LMTK3: variants seen among roughly 807,000 people sequenced by gnomAD.
The protein encoded by LMTK3 is lemur tail kinase 3.
In LMTK3, 27 loss-of-function variants were observed where a neutral mutation model predicts 116.7. That is an observed-to-expected ratio of 0.23 (90% confidence interval 0.17 to 0.32). The LOEUF (loss-of-function observed/expected upper bound fraction) is 0.32. Ranked by LOEUF, LMTK3 falls within the 10% of genes least tolerant of loss-of-function variation. The pLI is 1.00. For synonymous variants in LMTK3, 965 were observed against 971.0 expected (o/e 0.99, Z 0.11); for missense variants, 1,764 against 2,068.5 (o/e 0.85, Z 2.86).
rs549586180 is a variant in LMTK3 at position 48,500,509 on chromosome 19, A to G, written c.1151+487T>C. Reference sequence around the variant, plus strand: ...GAGGGGGACAGAGACCTAGAGAGAGAGGGAAACATAGACCCAAAAAGTGGG... The same window carrying G: ...GAGGGGGACAGAGACCTAGAGAGAGGGGGAAACATAGACCCAAAAAGTGGG... On this transcript the variant is annotated intron_variant, in intron 10 of 14. Coordinates refer to ENST00000600059, the MANE Select transcript of LMTK3 (RefSeq NM_001388485.1). The surrounding 1 kb of genome is among the most constrained non-coding windows in gnomAD (Gnocchi z 4.0). 2.0e-5 allele frequency among the ~76,000 whole-genome samples: 3 copies of G among 152,160 alleles called. No individual in the cohort carries two copies. In the East Asian group the frequency reaches 5.8e-4, roughly 29 times the overall value.
Position 48,493,916 on chromosome 19 carries a change from CTCCTCGTCCTCCTCCTCGTCCTCG to C in LMTK3, c.3846_3869del (p.Asp1282_Glu1289del). The C allele has an allele frequency of 1.9e-6, 2 of 1,029,554 alleles. No individual in the cohort carries two copies. Among genetic ancestry groups the C allele is most frequent in the African/African-American group, 1.7e-5 (1 of 57,760 alleles). The allele number at this position is 1,029,554 out of a possible 1,614,324, so 63.8% of individuals were successfully genotyped here. A position where few individuals can be genotyped will look rare whatever the true frequency, so the allele number is the denominator to read the frequency against. ...CCGCCGCCGCGCCCGGCGCCGCCGC[CTCCTCGTCCTCCTCCTCGTCCTCG>C]TCCTCGTCCTCCCCGTCCTCCTCCG... On this transcript the variant is annotated inframe_deletion, in exon 12 of 15. Coordinates refer to ENST00000600059, the MANE Select transcript of LMTK3 (RefSeq NM_001388485.1).
rs1569104458 is a variant in LMTK3 at position 48,500,024 on chromosome 19, AACAGAGACCCAGAGAGAGGGGG to A, written c.1152-129_1152-108del. 35 of 1,093,578 alleles carry A rather than the reference AACAGAGACCCAGAGAGAGGGGG, an allele frequency of 3.2e-5. No individual in the cohort carries two copies. The highest frequency in any genetic ancestry group is 9.8e-5 in the South Asian group (6 of 61,386). 67.7% of individuals were successfully genotyped at this position (1,093,578 alleles called of 1,614,324 possible). The stretch of plus-strand genomic sequence containing the variant: ...AGAGGGGGACAGAGACCCAGAGGGT[AACAGAGACCCAGAGAGAGGGGG>A]ACAGAGACCCAGAGAGAGGGGGACA... On this transcript the variant is annotated intron_variant, in intron 10 of 14. Transcript: ENST00000600059. This position sits in a 1 kb window ranked among gnomAD's most constrained non-coding sequence, Gnocchi z 4.0.
chr19:48,499,610 C>T lies in LMTK3; in HGVS notation c.1459G>A (p.Gly487Arg). 6.5e-7 allele frequency: 1 copy of T among 1,540,518 alleles called. No homozygotes were observed. The highest frequency in any genetic ancestry group is 8.7e-7 in the Non-Finnish European group (1 of 1,143,258). ...LECLWEKARR[G>R]AGRGGGAPAW... ...GGTGCCCCCCCACCCCGGCCGGCCC[C>T]ACGCCGGGCCTTCTCCCACAGGCAC... The change falls in exon 11 of 15, where the codon GGG becomes AGG. Residue 487 changes from glycine (G) to arginine (R), a missense_variant. Physicochemically the swap from Gly to Arg is moderately radical, Grantham distance 125. Around this residue, in one of 7 missense-constraint regions of LMTK3, gnomAD observed 1,028 missense variants for 1,050.6 expected, o/e 0.98. Coordinates refer to ENST00000600059, the MANE Select transcript of LMTK3 (RefSeq NM_001388485.1).
chr19:48,487,121 A>C (rs1601037642), intron 14 of LMTK3, among the ~76,000 whole-genome samples: 1 of 132,326 alleles, frequency 7.6e-6, no homozygotes, highest in Admixed American at 8.0e-5. Context: ...TGCAACCTCC[A>C]CCTCCCAGGT....
In LMTK3 at chr19:48,501,530, G is replaced by T. The variant is rs1397684653; in HGVS notation, c.827C>A (p.Ser276Tyr). The change falls in exon 8 of 15, where the codon TCT becomes TAT. Residue 276 changes from serine to tyrosine, a missense_variant. This residue lies in a region of LMTK3 where 271 missense variants were observed against 478.2 expected (regional missense o/e 0.57). Transcript: ENST00000600059. ...GTCTCCGATGCGCACGGTCAGGTCA[G>T]AGGTCAGCAGGCAGTTGCGCAGGGC... ...DLALRNCLLT[S>Y]DLTVRIGDYG... 1 of 1,611,834 alleles carries T rather than the reference G, an allele frequency of 6.2e-7. No individual in the cohort carries two copies.
At position 48,499,009 on chromosome 19, in the gene LMTK3, T is replaced by TC; in HGVS notation, c.2059dup (p.Asp687GlyfsTer853). ...GTGGCCTCCCCAGCCTGCTACGGCG[T>TC]CCCCCCGCTCCAGTGGCAGGCAGGA... On this transcript the variant is annotated frameshift_variant, in exon 11 of 15. Coordinates refer to ENST00000600059, the MANE Select transcript of LMTK3 (RefSeq NM_001388485.1). LOFTEE classifies it high-confidence loss of function. 1 of 1,416,260 alleles carries TC rather than the reference T, an allele frequency of 7.1e-7. No individual in the cohort carries two copies. Among genetic ancestry groups the TC allele is most frequent in the Non-Finnish European group, 9.2e-7 (1 of 1,082,960 alleles). 87.7% of individuals were successfully genotyped at this position (1,416,260 alleles called of 1,614,324 possible).
intron 14 of LMTK3, among the ~76,000 whole-genome samples, chr19:48,487,979 C>T (rs1469343161): frequency 1.3e-5 from 2 of 152,180 alleles, no homozygotes; most frequent in African/African-American, 4.8e-5. Context: ...GCCTCAGGCC[C>T]CCACACCATG....
At chr19:48,513,229 T>A (rs1569109161), upstream of LMTK3, 2 of 1,440,626 alleles carry the variant, frequency 1.4e-6, no homozygotes, top group Non-Finnish European at 1.9e-6. The surrounding 1 kb of genome is among the most constrained non-coding windows in gnomAD (Gnocchi z 5.6). Context: ...ATGTATTTAT[T>A]CTTATGAGTA....
At chr19:48,505,276 G>A (rs141103975) in intron 5 of LMTK3, among the ~76,000 whole-genome samples, 4,005 of 151,710 alleles carry the variant, frequency 0.026, 69 homozygotes, top group South Asian at 0.082. Flanking sequence ...ACCATGCCTG[G>A]CTAATTTTTA....
Position 48,500,969 on chromosome 19 carries a change from A to G in LMTK3, c.1151+27T>C, listed in dbSNP as rs1601051598. ...CATCCTGGGTGGGGTGCGGCAGGCCAGGAGCCCCGGGTGGGCTAGCCCTCA... is the reference window on the plus strand; with the variant it reads ...CATCCTGGGTGGGGTGCGGCAGGCCGGGAGCCCCGGGTGGGCTAGCCCTCA... On this transcript the variant is annotated intron_variant, in intron 10 of 14. Transcript: ENST00000600059. The surrounding 1 kb of genome is among the most constrained non-coding windows in gnomAD (Gnocchi z 4.0). 1 of 1,474,528 alleles carries G rather than the reference A, an allele frequency of 6.8e-7. No individual in the cohort carries two copies. 91.3% of individuals were successfully genotyped at this position (1,474,528 alleles called of 1,614,324 possible).
chr19:48,499,553 G>A lies in LMTK3; in HGVS notation c.1516C>T (p.Pro506Ser), dbSNP rs1017076932. 1.3e-6 allele frequency: 2 copies of A among 1,513,112 alleles called. No individual in the cohort carries two copies. The highest frequency in any genetic ancestry group is 1.8e-6 in the Non-Finnish European group (2 of 1,132,452). 93.7% of individuals were successfully genotyped at this position (1,513,112 alleles called of 1,614,324 possible). A position where few individuals can be genotyped will look rare whatever the true frequency, so the allele number is the denominator to read the frequency against. The change falls in exon 11 of 15, where the codon CCC becomes TCC. Residue 506 changes from proline to serine, a missense_variant. Pro to Ser is a moderately conservative substitution (Grantham distance 74, BLOSUM62 -1). Transcript: ENST00000600059. The stretch of plus-strand genomic sequence containing the variant: ...AAAGGGTTGGAGGGGTTGGCGTGGG[G>A]GGCCGGGGGGGCCGACGCCGGCTGC... ...AWQPASAPPAPHANPSNPFYE... is the reference protein window; with the variant it reads ...AWQPASAPPASHANPSNPFYE...
chr19:48,486,522 C>T (rs1031548421), intron 14 of LMTK3, among the ~76,000 whole-genome samples: 2 of 151,508 alleles, frequency 1.3e-5, no homozygotes, highest in African/African-American at 2.4e-5. Context: ...TGACCCTGTC[C>T]TTGGTTTTGT....
intron 5 of LMTK3, among the ~76,000 whole-genome samples, chr19:48,506,378 T>G (rs1601056702): frequency 6.6e-6 from 1 of 152,116 alleles, no homozygotes; most frequent in East Asian, 1.9e-4. Flanking sequence ...AGACTAGTAG[T>G]AGATGCTCAA....
At chr19:48,496,895 G>A (rs991155306) in intron 11 of LMTK3, among the ~76,000 whole-genome samples, 15 of 152,202 alleles carry the variant, frequency 9.9e-5, no homozygotes, top group Admixed American at 7.9e-4. Context: ...TAGCAGATTC[G>A]CCAACACCAG....
intron 14 of LMTK3, among the ~76,000 whole-genome samples, chr19:48,486,547 C>CTTTAT (rs1396029863): frequency 6.2e-5 from 9 of 144,534 alleles, no homozygotes; most frequent in African/African-American, 2.5e-4. Context: ...GTTGTTGCTG[C>CTTTAT]TTTGTTTTGA....
chr19:48,512,270 C>A (rs1030049603), upstream of LMTK3, among the ~76,000 whole-genome samples: 4 of 152,120 alleles, frequency 2.6e-5, no homozygotes, highest in African/African-American at 7.2e-5. Flanking sequence ...CACACAAAGA[C>A]GCAGGGACCG....
rs1476201095 is a variant in LMTK3, at chr19:48,509,424, C to G, written c.438+13G>C. 1.2e-5 allele frequency: 19 copies of G among 1,551,914 alleles called. No individual in the cohort carries two copies. The highest frequency in any genetic ancestry group is 1.7e-5 in the Non-Finnish European group (19 of 1,147,140). On this transcript the variant is annotated intron_variant, in intron 4 of 14. Transcript: ENST00000600059. ...ATCCATGGAGCCCTGCCTCCCCTCC[C>G]CAGCCCACTCACCTTCCCAAACCAG...
chr19:48,485,632 G>T lies in LMTK3; in HGVS notation c.*141C>A. The T allele has an allele frequency of 1.1e-6, 1 of 911,710 alleles. No individual in the cohort carries two copies. The highest frequency in any genetic ancestry group is 2.7e-5 in the East Asian group (1 of 37,202). 56.5% of individuals were successfully genotyped at this position (911,710 alleles called of 1,614,324 possible). On this transcript the variant is annotated 3_prime_UTR_variant, in exon 15 of 15. Coordinates refer to ENST00000600059, the MANE Select transcript of LMTK3 (RefSeq NM_001388485.1). The stretch of plus-strand genomic sequence containing the variant: ...GGGCCTCCCGTTTGGCACATGGTAG[G>T]GGAGTGGGAGGGGGAGGGCCCAGCC...
Position 48,497,302 on chromosome 19 carries a change from GC to G in LMTK3, c.3676+90del. On this transcript the variant is annotated intron_variant, in intron 11 of 14. Transcript: ENST00000600059. This position sits in a 1 kb window ranked among gnomAD's most constrained non-coding sequence, Gnocchi z 5.7. ...TCAGGACCTGCATTCATCACTGCCA[GC>G]CCGACCCGACATGTTTACCCACACT... is the stretch of plus-strand genomic sequence containing the variant. 7.5e-7 allele frequency: 1 copy of G among 1,333,130 alleles called. No homozygotes were observed. Among genetic ancestry groups the G allele is most frequent in the South Asian group, 2.1e-5 (1 of 47,968 alleles). The allele number at this position is 1,333,130 out of a possible 1,614,324, so 82.6% of individuals were successfully genotyped here. A position where few individuals can be genotyped will look rare whatever the true frequency, so the allele number is the denominator to read the frequency against.
Sources: gnomAD v4.1 joint callset for allele counts (sites outside exome capture counted in the v4.1 genomes callset) on GRCh38, gnomAD v4.1.1 for gene constraint, gnomAD v4.1.1 regional missense constraint, Gnocchi (gnomAD v3.1) non-coding constraint, MANE v1.5 for transcripts, NCBI Gene and HGNC (gene_info 2026-07-23, HGNC 2026-07-21) for gene names.